The following SUPT4H1 variants were observed in gnomAD, a reference collection of about 807,000 sequenced individuals.
SUPT4H1 encodes the protein SPT4 homolog, DSIF elongation factor subunit.
In SUPT4H1, 12 loss-of-function variants were observed where a neutral mutation model predicts 19.4. The ratio of observed to expected loss-of-function variants is 0.62; its 90% CI spans 0.40 to 1.00. The LOEUF is 1.00. Ranked by LOEUF, SUPT4H1 falls within the 50% of genes least tolerant of loss-of-function variation. The pLI, the probability that SUPT4H1 is intolerant of heterozygous loss-of-function variation, is 0.00. For missense variants in SUPT4H1, 115 were observed against 149.2 expected (o/e 0.77, Z 1.19); for synonymous variants, 58 against 56.3 (o/e 1.03, Z -0.14).
intron 1 of SUPT4H1, 71 bp downstream of exon 1, chr17:58,351,996 C>T: frequency 1.3e-6 from 2 of 1,526,400 alleles, no homozygotes; most frequent in Non-Finnish European, 1.8e-6. Flanking sequence ...TACTGTCCCA[C>T]AGCCCCATTC....
chr17:58,347,180 A>C lies in SUPT4H1; in HGVS notation c.286+8T>G, dbSNP rs747575888. The stretch of plus-strand genomic sequence containing the variant: ...TAAATGAACATTGGCTGTTATGATT[A>C]TTATTACCTTGGGGCAGGCGACCAG... On this transcript the variant is annotated splice_region_variant and intron_variant, in intron 4 of 4. Coordinates refer to ENST00000225504, the MANE Select transcript of SUPT4H1 (RefSeq NM_003168.3). The C allele has an allele frequency of 6.2e-7, 1 of 1,613,666 alleles. No individual in the cohort carries two copies. The highest frequency in any genetic ancestry group is 1.3e-5 in the African/African-American group (1 of 74,904).
rs538025919 is a variant in SUPT4H1 at position 58,350,784 on chromosome 17, C to T, written c.176+618G>A. Among the ~76,000 whole-genome samples, 15 of 138,650 alleles carry T rather than the reference C, an allele frequency of 1.1e-4. 1 individual carries two copies. The East Asian group carries it at 1.2e-3, about 11-fold the overall frequency. 91.0% of individuals were successfully genotyped at this position (138,650 alleles called of 152,430 possible). ...CCAGGAGGCAGAGGTTGCAGTGAGC[C>T]GAGACTGCACCATTGCACTCCAGCA... On this transcript the variant is annotated intron_variant, in intron 2 of 4. Transcript: ENST00000225504.
At chr17:58,351,925 G>A in intron 1 of SUPT4H1, 142 bp downstream of exon 1, 2 of 824,256 alleles carry the variant, frequency 2.4e-6, no homozygotes, top group Non-Finnish European at 1.9e-6. Flanking sequence ...GTAAACGATG[G>A]CCTCCTTCGG....
chr17:58,346,323 G>A lies in SUPT4H1; in HGVS notation c.287-10C>T. The A allele has an allele frequency of 6.2e-7, 1 of 1,613,444 alleles. No homozygotes were observed. Among genetic ancestry groups the A allele is most frequent in the Non-Finnish European group, 8.5e-7 (1 of 1,179,496 alleles). Reference sequence around the variant, plus strand: ...AGCTCCCGCACGATTCCTGAAGCAGGAAAAGAAACAGTTCTGTGAGGTAAG... The same window carrying A: ...AGCTCCCGCACGATTCCTGAAGCAGAAAAAGAAACAGTTCTGTGAGGTAAG... On this transcript the variant is annotated splice_polypyrimidine_tract_variant and intron_variant, in intron 4 of 4. Transcript: ENST00000225504.
intron 1 of SUPT4H1, 96 bp from the exon 2 acceptor site, chr17:58,351,604 CTT>C: frequency 1.2e-6 from 1 of 833,240 alleles, no homozygotes; most frequent in Non-Finnish European, 2.0e-6. Context: ...TGCTCAATTT[CTT>C]GTTTCCCTAT....
rs1047558795 is a variant in SUPT4H1 at position 58,352,183 on chromosome 17, G to A, written c.-48C>T. The A allele has an allele frequency of 5.1e-6, 8 of 1,580,624 alleles. No individual in the cohort carries two copies. Among genetic ancestry groups the A allele is most frequent in the Non-Finnish European group, 5.2e-6 (6 of 1,150,456 alleles). On this transcript the variant is annotated 5_prime_UTR_variant, in exon 1 of 5. Coordinates refer to ENST00000225504, the MANE Select transcript of SUPT4H1 (RefSeq NM_003168.3). ...AGGGAGATAGACGACCACAGCCTGTGCACCCGCAGGAAGTAAATAGCTCGT... is the reference window on the plus strand; with the variant it reads ...AGGGAGATAGACGACCACAGCCTGTACACCCGCAGGAAGTAAATAGCTCGT...
In SUPT4H1 at chr17:58,347,230, G is replaced by A. The variant is rs1972324574; in HGVS notation, c.244C>T (p.Pro82Ser). 1.2e-6 allele frequency: 2 copies of A among 1,614,116 alleles called. No homozygotes were observed. Among genetic ancestry groups the A allele is most frequent in the East Asian group, 4.5e-5 (2 of 44,884 alleles). ...GTGACTGACACCGCATATACACCTG[G>A]CTTAAAGTTACCTGAGAGAGAAGAA... ...SKWQRVSNFKPGVYAVSVTGR... is the reference protein window; with the variant it reads ...SKWQRVSNFKSGVYAVSVTGR... Residue 82 changes from proline to serine, a missense_variant, in exon 4 of 5, where the codon CCA becomes TCA. By Grantham distance (74) the Pro-to-Ser change is moderately conservative (BLOSUM62 -1). Coordinates refer to ENST00000225504, the MANE Select transcript of SUPT4H1 (RefSeq NM_003168.3).
rs767553011 is a variant in SUPT4H1 at position 58,351,468 on chromosome 17, T to C, written c.110A>G (p.Asp37Gly). The change falls in exon 2 of 5, where the codon GAT becomes GGT. Residue 37 changes from aspartate (D) to glycine (G), a missense_variant. Physicochemically the swap from Asp to Gly is moderately conservative, Grantham distance 94. Coordinates refer to ENST00000225504, the MANE Select transcript of SUPT4H1 (RefSeq NM_003168.3). ...QFEYDGCDNC[D>G]AYLQMKGNRE... ...GTTACCCTTCATTTGTAGATATGCA[T>C]CACAATTGTCACAACCATCATATTC... The C allele has an allele frequency of 1.2e-6, 2 of 1,613,910 alleles. No homozygotes were observed. Among genetic ancestry groups the C allele is most frequent in the Non-Finnish European group, 1.7e-6 (2 of 1,179,878 alleles).
At chr17:58,351,182 T>C (rs1972500010) in intron 2 of SUPT4H1, among the ~76,000 whole-genome samples, 1 of 148,902 alleles carries the variant, frequency 6.7e-6, no homozygotes, top group Admixed American at 6.7e-5. Context: ...CAGAGGATCA[T>C]TCCACGCTGC....
rs370419019 is a variant in SUPT4H1 at position 58,347,210 on chromosome 17, T to G, written c.264A>C (p.Ser88=). 544 of 1,614,032 alleles carry G rather than the reference T, an allele frequency of 3.4e-4. No individual in the cohort carries two copies. Among genetic ancestry groups the G allele is most frequent in the Admixed American group, 7.3e-4 (44 of 60,006 alleles). ...SNFKPGVYAV[S]VTGRLPQGIV... is the part of the protein sequence containing the mutation. ...TACCTTGGGGCAGGCGACCAGTGAC[T>G]GACACCGCATATACACCTGGCTTAA... The change falls in exon 4 of 5, where the codon TCA becomes TCC. Residue 88 remains serine (S), a synonymous_variant. Transcript: ENST00000225504.
Position 58,345,372 on chromosome 17 carries a change from A to G in SUPT4H1, c.*874T>C, listed in dbSNP as rs1598107255. 6.6e-6 allele frequency: 1 copy of G among 152,014 alleles called. No individual in the cohort carries two copies. Among genetic ancestry groups the G allele is most frequent in the African/African-American group, 2.4e-5 (1 of 41,356 alleles). 9.4% of individuals were successfully genotyped at this position (152,014 alleles called of 1,614,324 possible). The stretch of plus-strand genomic sequence containing the variant: ...GAAATTTAAATGAGAATTTGTGGTA[A>G]ATTTTTTTATCCTAAAACAACTCAC... On this transcript the variant is annotated 3_prime_UTR_variant, in exon 5 of 5. Coordinates refer to ENST00000225504, the MANE Select transcript of SUPT4H1 (RefSeq NM_003168.3).
In SUPT4H1 at chr17:58,345,960, TAG is replaced by T. The variant is rs1972275043; in HGVS notation, c.*284_*285del. 9 of 353,882 alleles carry T rather than the reference TAG, an allele frequency of 2.5e-5. No individual in the cohort carries two copies. In the South Asian group the frequency reaches 3.0e-4, roughly 12 times the overall value. 21.9% of individuals were successfully genotyped at this position (353,882 alleles called of 1,614,324 possible). On this transcript the variant is annotated 3_prime_UTR_variant, in exon 5 of 5. Coordinates refer to ENST00000225504, the MANE Select transcript of SUPT4H1 (RefSeq NM_003168.3). ...GGTTCATATTTATTGACATTTGACC[TAG>T]AGTCCTTGGCATGGGGAAGGCACAG...
intron 4 of SUPT4H1, 59 bp downstream of exon 4, chr17:58,347,128 TA>T: frequency 1.3e-6 from 2 of 1,525,820 alleles, no homozygotes; most frequent in Non-Finnish European, 1.8e-6. Flanking sequence ...TTAATTCAGA[TA>T]AAAAAACTTC....
chr17:58,349,788 C>T (rs1005270795), intron 2 of SUPT4H1, among the ~76,000 whole-genome samples: 1 of 152,124 alleles, frequency 6.6e-6, no homozygotes, highest in African/African-American at 2.4e-5. Context: ...CTAAAAAATG[C>T]TACTGAATGA....
chr17:58,348,571 G>A (rs1006329184), intron 2 of SUPT4H1, among the ~76,000 whole-genome samples: 4 of 152,128 alleles, frequency 2.6e-5, no homozygotes, highest in Non-Finnish European at 4.4e-5. Context: ...TCTGTCCTTT[G>A]CAATCTATCT....
chr17:58,350,393 T>C (rs914257735), intron 2 of SUPT4H1, among the ~76,000 whole-genome samples: 3 of 151,294 alleles, frequency 2.0e-5, no homozygotes, highest in African/African-American at 7.3e-5. Context: ...GTGCCTGTAA[T>C]CCCAGCTACT....
intron 2 of SUPT4H1, 113 bp from the exon 3 acceptor site, chr17:58,347,697 C>T: frequency 9.9e-7 from 1 of 1,011,740 alleles, no homozygotes; most frequent in Non-Finnish European, 1.5e-6. Context: ...GGAAAGCTGG[C>T]AAAACTGCCT....
rs1274422490 is a variant in SUPT4H1, at chr17:58,347,215, C to A, written c.259G>T (p.Val87Leu). 6 of 1,614,148 alleles carry A rather than the reference C, an allele frequency of 3.7e-6. No individual in the cohort carries two copies. The highest frequency in any genetic ancestry group is 1.6e-4 in the Middle Eastern group (1 of 6,062). ...TGGGGCAGGCGACCAGTGACTGACA[C>A]CGCATATACACCTGGCTTAAAGTTA... Reference protein sequence around the residue: ...VSNFKPGVYAVSVTGRLPQGI... With the variant: ...VSNFKPGVYALSVTGRLPQGI... The change falls in exon 4 of 5, where the codon GTG (valine) becomes TTG (leucine). Residue 87 changes from valine (V) to leucine (L), a missense_variant. Val to Leu is a conservative substitution (Grantham distance 32). Coordinates refer to ENST00000225504, the MANE Select transcript of SUPT4H1 (RefSeq NM_003168.3).
At chr17:58,349,104 G>T (rs1972395455) in intron 2 of SUPT4H1, among the ~76,000 whole-genome samples, 2 of 152,214 alleles carry the variant, frequency 1.3e-5, no homozygotes, top group African/African-American at 4.8e-5. Flanking sequence ...GGCACTGTTG[G>T]TGGGAATGGA....
Sources: gnomAD v4.1 joint callset for allele counts (sites outside exome capture counted in the v4.1 genomes callset) on GRCh38, gnomAD v4.1.1 for gene constraint, MANE v1.5 for transcripts, NCBI Gene and HGNC (gene_info 2026-07-23, HGNC 2026-07-21) for gene names.